WWOX: variants seen among roughly 807,000 people sequenced by gnomAD.
The protein encoded by WWOX is WW domain-containing oxidoreductase.
A neutral mutation model predicts 46.2 loss-of-function variants in WWOX; 69 were observed. The observed-to-expected ratio is 1.49, with a 90% CI of 1.23 to 1.82. WWOX has a LOEUF of 1.82. WWOX is among the 40% of genes most tolerant of loss of function. WWOX has a pLI of 0.00. For synonymous variants in WWOX, 359 were observed against 202.6 expected (o/e 1.77, Z -6.56); for missense variants, 919 against 542.6 (o/e 1.69, Z -6.89).
chr16:78,292,731 C>T (rs1041500637), intron 5 of WWOX, among the ~76,000 whole-genome samples: 1 of 152,132 alleles, frequency 6.6e-6, no homozygotes, highest in Non-Finnish European at 1.5e-5. Flanking sequence ...TTTAAATGTG[C>T]TGCCCTTACC....
chr16:79,207,548 C>A (rs1379278786), intron 8 of WWOX, among the ~76,000 whole-genome samples: 1 of 152,208 alleles, frequency 6.6e-6, no homozygotes, highest in Non-Finnish European at 1.5e-5. Context: ...TGTAAGAAAG[C>A]AATCTTAGAA....
At chr16:78,816,437 C>G (rs925418268) in intron 8 of WWOX, among the ~76,000 whole-genome samples, 1 of 139,394 alleles carries the variant, frequency 7.2e-6, no homozygotes, top group East Asian at 2.2e-4. Flanking sequence ...AAATGGAGGG[C>G]TTTTAAAAGA....
intron 8 of WWOX, among the ~76,000 whole-genome samples, chr16:78,992,310 A>AGG (rs561516211): frequency 1.3e-5 from 2 of 151,868 alleles, no homozygotes; most frequent in African/African-American, 2.4e-5. Flanking sequence ...TAAAAATACA[A>AGG]AAAAAAATTA....
chr16:78,495,576 T>C (rs566705010), intron 8 of WWOX, among the ~76,000 whole-genome samples: 32 of 151,170 alleles, frequency 2.1e-4, no homozygotes, highest in Non-Finnish European at 4.3e-4. Flanking sequence ...TGGTGTGATC[T>C]CAGCTCACTG....
chr16:78,513,302 G>C (rs1305655914), intron 8 of WWOX, among the ~76,000 whole-genome samples: 1 of 152,228 alleles, frequency 6.6e-6, no homozygotes, highest in Non-Finnish European at 1.5e-5. Flanking sequence ...ATTTGTAGGA[G>C]CTTGAATATT....
At chr16:78,371,087 C>T (rs982250707) in intron 5 of WWOX, among the ~76,000 whole-genome samples, 11 of 149,604 alleles carry the variant, frequency 7.4e-5, no homozygotes, top group Non-Finnish European at 1.6e-4. Flanking sequence ...TCAAACTAAT[C>T]GTTATTAGAG....
intron 8 of WWOX, among the ~76,000 whole-genome samples, chr16:78,791,252 C>T (rs1477779399): frequency 6.6e-6 from 1 of 151,948 alleles, no homozygotes; most frequent in East Asian, 1.9e-4. Context: ...AAACACACAC[C>T]CTCCCTCCGA....
chr16:78,887,573 T>G (rs1279156694), intron 8 of WWOX, among the ~76,000 whole-genome samples: 4 of 151,480 alleles, frequency 2.6e-5, no homozygotes, highest in Non-Finnish European at 5.9e-5. Context: ...ATCATTTTCT[T>G]CGGGAGTTGA....
chr16:79,197,999 G>A (rs1373502777), intron 8 of WWOX, among the ~76,000 whole-genome samples: 1 of 152,078 alleles, frequency 6.6e-6, no homozygotes, highest in Non-Finnish European at 1.5e-5. Context: ...AAATCAATTG[G>A]TCATCTACCA....
chr16:78,518,599 T>C (rs8058087), intron 8 of WWOX, among the ~76,000 whole-genome samples: 30,343 of 152,138 alleles, frequency 0.2, 3,595 homozygotes, highest in South Asian at 0.32. Context: ...TGGAAACTTA[T>C]AATTTTAGCC....
At chr16:78,461,052 G>A (rs2083935266) in intron 8 of WWOX, among the ~76,000 whole-genome samples, 1 of 152,232 alleles carries the variant, frequency 6.6e-6, no homozygotes. Context: ...GGTGGTTGTT[G>A]AAGTGTATGA....
intron 8 of WWOX, among the ~76,000 whole-genome samples, chr16:78,618,547 A>G (rs1046027109): frequency 1.3e-5 from 2 of 152,022 alleles, no homozygotes; most frequent in African/African-American, 4.8e-5. Flanking sequence ...TTTTACCTGA[A>G]CTGTCTCTTA....
At chr16:79,152,857 T>C (rs931303519) in intron 8 of WWOX, among the ~76,000 whole-genome samples, 1 of 152,028 alleles carries the variant, frequency 6.6e-6, no homozygotes, top group African/African-American at 2.4e-5. Context: ...GCTCACTCCC[T>C]GGGAGATAGA....
At chr16:78,318,929 G>A (rs575193067) in intron 5 of WWOX, among the ~76,000 whole-genome samples, 35 of 152,186 alleles carry the variant, frequency 2.3e-4, no homozygotes, top group South Asian at 1.0e-3. Context: ...GGATGTCTGC[G>A]TCCTAATCCG....
intron 5 of WWOX, chr16:78,355,444 T>A: frequency 3.2e-6 from 1 of 316,312 alleles, no homozygotes; most frequent in Non-Finnish European, 6.2e-6. Flanking sequence ...CTACTAAAAG[T>A]ACAAAAAATT....
At chr16:78,188,178 C>T (rs538775704) in intron 5 of WWOX, among the ~76,000 whole-genome samples, 7 of 152,242 alleles carry the variant, frequency 4.6e-5, no homozygotes, top group East Asian at 1.9e-4. Context: ...GAAGAGTTTA[C>T]ATCTGAACAT....
intron 6 of WWOX, among the ~76,000 whole-genome samples, chr16:78,418,004 A>G (rs1251567645): frequency 6.6e-6 from 1 of 152,212 alleles, no homozygotes; most frequent in Non-Finnish European, 1.5e-5. Flanking sequence ...TTCAAACAAC[A>G]ACAGTGATTA....
chr16:78,305,503 CCT>C (rs1004185341), intron 5 of WWOX, among the ~76,000 whole-genome samples: 46 of 152,184 alleles, frequency 3.0e-4, no homozygotes, highest in African/African-American at 1.0e-3. Context: ...AATCTTTCCC[CCT>C]GAGTTCCCTC....
intron 8 of WWOX, among the ~76,000 whole-genome samples, chr16:78,769,050 G>C (rs2049996349): frequency 6.6e-6 from 1 of 152,174 alleles, no homozygotes; most frequent in African/African-American, 2.4e-5. Flanking sequence ...CAAGAGAGTT[G>C]TTGGGGTTGG....
Sources: allele counts gnomAD v4.1 joint callset (sites outside exome capture counted in the v4.1 genomes callset), GRCh38; gene constraint gnomAD v4.1.1; transcripts MANE v1.5; gene names NCBI Gene and HGNC (gene_info 2026-07-23, HGNC 2026-07-21).